Variants in CSMD1 observed in about 807,000 individuals in gnomAD.
CSMD1 encodes the protein CUB and sushi domain-containing protein 1.
Under a neutral mutation model 417.5 loss-of-function variants are expected in CSMD1, and 213 were observed. The observed-to-expected ratio is 0.51, with a 90% CI of 0.46 to 0.57. The LOEUF (loss-of-function observed/expected upper bound fraction) is 0.57, where lower values mean the gene tolerates loss of function less well. Among genes scored for constraint, CSMD1 ranks in the 20% least tolerant of loss-of-function variants. The probability of loss-of-function intolerance (pLI) is 0.00; values close to 1 mark genes in which losing one functional copy is unlikely to be tolerated. For missense variants in CSMD1, 6,923 were observed against 4,529.7 expected, an observed-to-expected ratio of 1.53 and a Z score of -15.17; for synonymous variants, 2,862 against 1,736.8, an observed-to-expected ratio of 1.65 and a Z score of -16.11.
At chr8:4,775,022 G>C in intron 1 of CSMD1, among the ~76,000 whole-genome samples, 1 of 152,076 alleles carries the variant, frequency 6.6e-6, no homozygotes, top group East Asian at 1.9e-4. Flanking sequence ...TGTGAGAATG[G>C]ACTAATATAT....
chr8:4,430,584 CA>C (rs1339625160), intron 2 of CSMD1, among the ~76,000 whole-genome samples: 4 of 152,134 alleles, frequency 2.6e-5, no homozygotes, highest in Admixed American at 2.6e-4. Context: ...AAATTTTCCC[CA>C]AATTGCATTC....
chr8:3,602,929 C>G (rs996110388), intron 8 of CSMD1, among the ~76,000 whole-genome samples: 1 of 152,046 alleles, frequency 6.6e-6, no homozygotes, highest in Admixed American at 6.6e-5. Flanking sequence ...TCTCAGAAGA[C>G]TATTTAAATG....
intron 5 of CSMD1, among the ~76,000 whole-genome samples, chr8:3,839,640 GAC>G (rs1246879378): frequency 1.4e-5 from 2 of 139,016 alleles, no homozygotes; most frequent in African/African-American, 2.7e-5. Flanking sequence ...CAACAAGAGT[GAC>G]ACTTCAACTC....
At chr8:4,803,782 C>A (rs1394208657) in intron 1 of CSMD1, among the ~76,000 whole-genome samples, 2 of 152,080 alleles carry the variant, frequency 1.3e-5, no homozygotes, top group Non-Finnish European at 2.9e-5. Flanking sequence ...TTTATTTAGT[C>A]CTTCTCTTTG....
At chr8:4,938,973 A>G (rs1807806203) in intron 1 of CSMD1, among the ~76,000 whole-genome samples, 1 of 152,202 alleles carries the variant, frequency 6.6e-6, no homozygotes, top group East Asian at 1.9e-4. Flanking sequence ...TCCTTTGTCC[A>G]TGTTTAAATC....
At chr8:3,612,553 G>A (rs1801945780) in intron 8 of CSMD1, among the ~76,000 whole-genome samples, 1 of 152,020 alleles carries the variant, frequency 6.6e-6, no homozygotes, top group Non-Finnish European at 1.5e-5. Context: ...GCATATTCTT[G>A]CCCATAAAGC....
At chr8:4,211,178 C>T (rs1375032650) in intron 3 of CSMD1, among the ~76,000 whole-genome samples, 3 of 150,446 alleles carry the variant, frequency 2.0e-5, no homozygotes, top group Non-Finnish European at 4.4e-5. Flanking sequence ...CATCCTTGTA[C>T]ATGTATTTCA....
At position 3,524,092 on chromosome 8, in the gene CSMD1, C is replaced by T. The variant is rs111205000; in HGVS notation, c.1345-30366G>A. Among the ~76,000 whole-genome samples, 965 of 151,338 alleles carry T rather than the reference C, an allele frequency of 6.4e-3. 9 individuals carry two copies. Among genetic ancestry groups the T allele is most frequent in the African/African-American group, 0.022 (892 of 41,194 alleles). The stretch of plus-strand genomic sequence containing the variant: ...ACACTTACACATGCACACACGCATG[C>T]ACACCCAGAGAGACATATGGACATA... On this transcript the variant is annotated intron_variant, in intron 10 of 69. Coordinates refer to ENST00000635120, the MANE Select transcript of CSMD1 (RefSeq NM_033225.6).
chr8:3,515,813 A>G (rs1797259506), intron 10 of CSMD1, among the ~76,000 whole-genome samples: 1 of 152,222 alleles, frequency 6.6e-6, no homozygotes, highest in Non-Finnish European at 1.5e-5. Flanking sequence ...ACACTGGGCA[A>G]TGGAATTGCC....
intron 1 of CSMD1, among the ~76,000 whole-genome samples, chr8:4,757,847 T>A (rs1811763781): frequency 6.7e-6 from 1 of 149,898 alleles, no homozygotes; most frequent in African/African-American, 2.5e-5. Flanking sequence ...TAATCCCAGC[T>A]ACTGGGGAAG....
At chr8:4,225,285 A>C (rs1174230128) in intron 3 of CSMD1, among the ~76,000 whole-genome samples, 1 of 152,174 alleles carries the variant, frequency 6.6e-6, no homozygotes, top group Non-Finnish European at 1.5e-5. Flanking sequence ...AATATTATTT[A>C]ATCATGTTTT....
chr8:4,950,730 G>A lies in CSMD1; in HGVS notation c.85+43602C>T, dbSNP rs1378414533. Among the ~76,000 whole-genome samples, 10 of 152,006 alleles carry A rather than the reference G, an allele frequency of 6.6e-5. 1 individual carries two copies. The highest frequency in any genetic ancestry group is 1.7e-4 in the African/African-American group (7 of 41,366). Reference sequence around the variant, plus strand: ...AAAAGAGTTGGTCATTGAATACCACGCACTTTCAAACAATATAGCATTATT... The same window carrying A: ...AAAAGAGTTGGTCATTGAATACCACACACTTTCAAACAATATAGCATTATT... On this transcript the variant is annotated intron_variant, in intron 1 of 69. Transcript: ENST00000635120.
intron 3 of CSMD1, among the ~76,000 whole-genome samples, chr8:4,051,308 C>CAAAAAAAAAAAAAAAAAAAAAAAAAAAA (rs5889012): frequency 2.1e-5 from 3 of 140,542 alleles, no homozygotes; most frequent in African/African-American, 8.2e-5. Flanking sequence ...TTTGAAGACT[C>CAAAAAAAAAAAAAAAAAAAAAAAAAAAA]AAAAAAAAAA....
intron 3 of CSMD1, among the ~76,000 whole-genome samples, chr8:4,204,030 G>T (rs149462072): frequency 0.013 from 2,049 of 152,264 alleles, 26 homozygotes; most frequent in Middle Eastern, 0.031. Flanking sequence ...GAGCCCAGTG[G>T]GCAGAAGTTG....
At chr8:4,159,790 G>T (rs777252063) in intron 3 of CSMD1, among the ~76,000 whole-genome samples, 1 of 152,114 alleles carries the variant, frequency 6.6e-6, no homozygotes, top group African/African-American at 2.4e-5. Context: ...GGGTTTCACC[G>T]TGTTAGCCAG....
rs149085640 is a variant in CSMD1, at chr8:4,121,444, G to A, written c.416-89345C>T. ...ACAGAATTCACACGCCCACCACACC[G>A]GTCAAGGGCTTCTTTGCTATACTTG... On this transcript the variant is annotated intron_variant, in intron 3 of 69. Coordinates refer to ENST00000635120, the MANE Select transcript of CSMD1 (RefSeq NM_033225.6). 1.5e-3 allele frequency among the ~76,000 whole-genome samples: 232 copies of A among 152,128 alleles called. 1 individual carries two copies. The highest frequency in any genetic ancestry group is 5.2e-3 in the African/African-American group (217 of 41,522).
chr8:3,073,924 C>G (rs990351564), intron 49 of CSMD1, among the ~76,000 whole-genome samples: 4 of 152,056 alleles, frequency 2.6e-5, no homozygotes, highest in Admixed American at 6.6e-5. Context: ...ATAATGATTT[C>G]TTTTTATTGC....
At chr8:4,323,204 C>G (rs2134951) in intron 3 of CSMD1, among the ~76,000 whole-genome samples, 131,786 of 152,200 alleles carry the variant, frequency 0.87, 57,261 homozygotes, top group East Asian at 0.99. Flanking sequence ...AACTCCTATG[C>G]AGACCCATGT....
intron 3 of CSMD1, among the ~76,000 whole-genome samples, chr8:4,383,330 AAAG>A (rs1803228191): frequency 6.6e-6 from 1 of 152,176 alleles, no homozygotes; most frequent in Non-Finnish European, 1.5e-5. Flanking sequence ...TCTCTGAGTC[AAAG>A]AAGATTTTAT....
Sources: gnomAD v4.1 joint callset for allele counts (sites outside exome capture counted in the v4.1 genomes callset) on GRCh38, gnomAD v4.1.1 for gene constraint, MANE v1.5 for transcripts, NCBI Gene and HGNC (gene_info 2026-07-23, HGNC 2026-07-21) for gene names.